Variants in PDE10A observed in about 807,000 individuals in gnomAD.
The protein encoded by PDE10A is phosphodiesterase 10A.
PDE10A carries 39 observed loss-of-function variants against 97.7 expected under a neutral mutation model. That is an observed-to-expected ratio of 0.40 (90% confidence interval 0.31 to 0.52). PDE10A has a LOEUF of 0.52. Among genes scored for constraint, PDE10A ranks in the 20% least tolerant of loss-of-function variants. The pLI is 0.56. For synonymous variants in PDE10A, 371 were observed against 376.8 expected (o/e 0.98, Z 0.18); for missense variants, 731 against 1,047.8 (o/e 0.70, Z 4.17).
chr6:165,723,082 A>G lies in PDE10A; in HGVS notation c.-614-179514T>C, dbSNP rs145933896. Reference sequence around the variant, plus strand: ...GCCTCACAGAACACAGGGAATGCCTATGCCTCGCTTGCTGATCTCCACTGA... The same window carrying G: ...GCCTCACAGAACACAGGGAATGCCTGTGCCTCGCTTGCTGATCTCCACTGA... On this transcript the variant is annotated intron_variant, in intron 1 of 19. Transcript: ENST00000366882. Among the ~76,000 whole-genome samples the G allele has an allele frequency of 4.5e-3, 687 of 152,282 alleles. 8 individuals carry two copies. Among genetic ancestry groups the G allele is most frequent in the African/African-American group, 0.016 (662 of 41,554 alleles).
chr6:165,943,084 G>T (rs932842615), intron 1 of PDE10A, among the ~76,000 whole-genome samples: 5 of 150,070 alleles, frequency 3.3e-5, no homozygotes, highest in African/African-American at 7.4e-5. Context: ...ACCCTGGGGA[G>T]AAACAGAACC....
intron 1 of PDE10A, among the ~76,000 whole-genome samples, chr6:165,844,170 C>A (rs530939936): frequency 6.6e-6 from 1 of 152,134 alleles, no homozygotes; most frequent in Admixed American, 6.5e-5. Context: ...AGGGTACAAG[C>A]CCATTTGTCC....
intron 1 of PDE10A, chr6:165,545,356 C>T (rs544208818): frequency 7.7e-5 from 25 of 324,316 alleles, no homozygotes; most frequent in South Asian, 6.4e-4. Flanking sequence ...CTCCTTCTCA[C>T]TTCTTCCCAA....
chr6:165,453,014 T>G (rs940446425), intron 3 of PDE10A, among the ~76,000 whole-genome samples: 1 of 152,108 alleles, frequency 6.6e-6, no homozygotes, highest in Admixed American at 6.5e-5. Context: ...TGATGAGGTA[T>G]CAGATGGAAA....
chr6:165,602,835 C>T (rs1787029269), intron 1 of PDE10A, among the ~76,000 whole-genome samples: 1 of 151,924 alleles, frequency 6.6e-6, no homozygotes, highest in African/African-American at 2.4e-5. Flanking sequence ...TCCTTAAAAC[C>T]AAAGAGTCCT....
chr6:165,753,816 G>A (rs1387038387), intron 1 of PDE10A, among the ~76,000 whole-genome samples: 2 of 152,194 alleles, frequency 1.3e-5, no homozygotes, highest in East Asian at 3.9e-4. Flanking sequence ...ATATTGGAAT[G>A]AGCATAGTAA....
chr6:165,639,785 T>A (rs1583694971), intron 1 of PDE10A, among the ~76,000 whole-genome samples: 1 of 146,104 alleles, frequency 6.8e-6, no homozygotes, highest in South Asian at 2.2e-4. Flanking sequence ...AATCAATCTA[T>A]GGCCAGGTGG....
At chr6:165,778,229 C>T (rs1298220725) in intron 1 of PDE10A, among the ~76,000 whole-genome samples, 1 of 152,082 alleles carries the variant, frequency 6.6e-6, no homozygotes, top group Admixed American at 6.6e-5. Flanking sequence ...CACCATCACG[C>T]CCGGCTAATT....
At chr6:165,604,515 T>G (rs200943584) in intron 1 of PDE10A, among the ~76,000 whole-genome samples, 4,525 of 83,196 alleles carry the variant, frequency 0.054, 249 homozygotes, top group East Asian at 0.29. Flanking sequence ...TTACTCTCTT[T>G]GTTAAAAAAA....
chr6:165,846,719 A>G (rs570240181), intron 1 of PDE10A, among the ~76,000 whole-genome samples: 1 of 152,338 alleles, frequency 6.6e-6, no homozygotes, highest in East Asian at 1.9e-4. Flanking sequence ...GAAATGAACA[A>G]TTTGGAAACC....
intron 19 of PDE10A, among the ~76,000 whole-genome samples, chr6:165,341,824 G>T (rs550684420): frequency 6.6e-6 from 1 of 152,288 alleles, no homozygotes; most frequent in South Asian, 2.1e-4. Context: ...AACCACGAGA[G>T]ATCACTTTTT....
intron 1 of PDE10A, among the ~76,000 whole-genome samples, chr6:165,858,831 T>G (rs1404475151): frequency 6.6e-6 from 1 of 152,244 alleles, no homozygotes; most frequent in East Asian, 1.9e-4. Flanking sequence ...TGAGCTCATC[T>G]GCAGTGTTTG....
intron 1 of PDE10A, among the ~76,000 whole-genome samples, chr6:165,761,404 T>A (rs530533233): frequency 1.1e-3 from 165 of 152,290 alleles, no homozygotes; most frequent in African/African-American, 3.5e-3. Flanking sequence ...TTGACACAGA[T>A]CTTTCTTTCC....
At position 165,388,520 on chromosome 6, in the gene PDE10A, T is replaced by G; in HGVS notation, c.2455-67A>C. ...AACACACATGAGCAGACTTACCGCTTACATTCATGTCACATTACTTTCTGG... is the reference window on the plus strand; with the variant it reads ...AACACACATGAGCAGACTTACCGCTGACATTCATGTCACATTACTTTCTGG... On this transcript the variant is annotated intron_variant, in intron 16 of 21. Transcript: ENST00000539869. This position sits in a 1 kb window ranked among gnomAD's most constrained non-coding sequence, Gnocchi z 4.0. 1 of 1,391,292 alleles carries G rather than the reference T, an allele frequency of 7.2e-7. No individual in the cohort carries two copies. Among genetic ancestry groups the G allele is most frequent in the Non-Finnish European group, 1.0e-6 (1 of 984,384 alleles). The allele number at this position is 1,391,292 out of a possible 1,614,324, so 86.2% of individuals were successfully genotyped here.
intron 1 of PDE10A, among the ~76,000 whole-genome samples, chr6:165,625,151 G>A (rs1221986061): frequency 2.0e-5 from 3 of 152,244 alleles, no homozygotes; most frequent in African/African-American, 7.2e-5. Context: ...GGAGGACTCT[G>A]GATTTGACCC....
At chr6:165,415,210 G>C (rs1408468268) in intron 12 of PDE10A, among the ~76,000 whole-genome samples, 1 of 152,134 alleles carries the variant, frequency 6.6e-6, no homozygotes. Context: ...ACTAAATGAT[G>C]AGTTTGGACT....
intron 1 of PDE10A, among the ~76,000 whole-genome samples, chr6:165,858,732 C>T (rs1422633321): frequency 6.6e-6 from 1 of 152,162 alleles, no homozygotes; most frequent in Admixed American, 6.5e-5. Context: ...GCATTGACTC[C>T]CATCAGTGAA....
chr6:165,611,293 C>A (rs1787482175), intron 1 of PDE10A, among the ~76,000 whole-genome samples: 1 of 152,186 alleles, frequency 6.6e-6, no homozygotes, highest in South Asian at 2.1e-4. Flanking sequence ...TAGAACCTCA[C>A]CTGTCCTGAC....
chr6:165,800,492 T>A (rs77085570), intron 1 of PDE10A, among the ~76,000 whole-genome samples: 2,370 of 152,202 alleles, frequency 0.016, 29 homozygotes, highest in East Asian at 0.053. Context: ...CCCCAGTACA[T>A]CAGGCCGAGT....
Sources: allele counts gnomAD v4.1 joint callset (sites outside exome capture counted in the v4.1 genomes callset), GRCh38; gene constraint gnomAD v4.1.1; non-coding constraint Gnocchi (gnomAD v3.1); transcripts MANE v1.5; gene names NCBI Gene and HGNC (gene_info 2026-07-23, HGNC 2026-07-21).